The following GABRG3 variants were observed in gnomAD, a reference collection of about 807,000 sequenced individuals.
The protein encoded by GABRG3 is gamma-aminobutyric acid receptor subunit gamma-3.
Under a neutral mutation model 48.8 loss-of-function variants are expected in GABRG3, and 25 were observed. That is an observed-to-expected ratio of 0.51 (90% CI 0.37 to 0.72). The LOEUF (loss-of-function observed/expected upper bound fraction) is 0.72, where lower values mean the gene tolerates loss of function less well. Among genes scored for constraint, GABRG3 ranks in the 30% least tolerant of loss-of-function variants. GABRG3 has a pLI of 0.00. For synonymous variants in GABRG3, 227 were observed against 217.6 expected (o/e 1.04, Z -0.38); for missense variants, 394 against 577.9 (o/e 0.68, Z 3.26).
intron 5 of GABRG3, among the ~76,000 whole-genome samples, chr15:27,417,914 C>T (rs1487127026): frequency 2.0e-5 from 3 of 152,166 alleles, no homozygotes; most frequent in East Asian, 1.9e-4. Context: ...CCTTAGCTTC[C>T]TTGGGCCTAG....
At chr15:27,479,600 T>G (rs552415946) in intron 5 of GABRG3, among the ~76,000 whole-genome samples, 1 of 152,252 alleles carries the variant, frequency 6.6e-6, no homozygotes, top group Non-Finnish European at 1.5e-5. Context: ...ATTAATATGT[T>G]TGCATACATA....
At chr15:27,248,803 C>G (rs12902764) in intron 3 of GABRG3, among the ~76,000 whole-genome samples, 44,164 of 107,458 alleles carry the variant, frequency 0.41, 9,120 homozygotes, top group Non-Finnish European at 0.46. Flanking sequence ...CACACACACA[C>G]AGAGAGAGAG....
At chr15:27,329,690 T>C (rs1893740415) in intron 5 of GABRG3, among the ~76,000 whole-genome samples, 1 of 152,276 alleles carries the variant, frequency 6.6e-6, no homozygotes, top group Admixed American at 6.5e-5. Flanking sequence ...CGTAGTATTT[T>C]ATCTTCCAAC....
chr15:27,131,202 C>T (rs534202000), intron 3 of GABRG3, among the ~76,000 whole-genome samples: 7 of 152,050 alleles, frequency 4.6e-5, no homozygotes, highest in African/African-American at 9.6e-5. Flanking sequence ...GTGGTGCATT[C>T]GTTATCTTCT....
intron 3 of GABRG3, among the ~76,000 whole-genome samples, chr15:27,156,884 T>A (rs1419776045): frequency 6.6e-6 from 1 of 152,206 alleles, no homozygotes; most frequent in Non-Finnish European, 1.5e-5. Flanking sequence ...CCACCACTGA[T>A]TTCTAAGCAG....
chr15:27,095,421 A>G (rs1897253552), intron 3 of GABRG3, among the ~76,000 whole-genome samples: 1 of 152,172 alleles, frequency 6.6e-6, no homozygotes. Context: ...GGTGTGGGAA[A>G]CACACGCTTT....
At chr15:27,293,526 A>AG in intron 3 of GABRG3, among the ~76,000 whole-genome samples, 1 of 151,720 alleles carries the variant, frequency 6.6e-6, no homozygotes, top group Middle Eastern at 3.2e-3. Flanking sequence ...TACAAAAAAA[A>AG]TTAGCCAGGT....
At chr15:27,069,228 G>GT (rs1372847551) in intron 3 of GABRG3, among the ~76,000 whole-genome samples, 1 of 152,166 alleles carries the variant, frequency 6.6e-6, no homozygotes, top group African/African-American at 2.4e-5. Flanking sequence ...TACTTCCAGG[G>GT]TTTTATATTT....
At chr15:27,397,271 T>C (rs571233730) in intron 5 of GABRG3, among the ~76,000 whole-genome samples, 10 of 152,188 alleles carry the variant, frequency 6.6e-5, no homozygotes, top group Non-Finnish European at 1.5e-4. Context: ...ACTGCAATTT[T>C]AGTTTTGACT....
chr15:27,323,461 AGAAG>A (rs1555371831), intron 3 of GABRG3, among the ~76,000 whole-genome samples: 1 of 152,206 alleles, frequency 6.6e-6, no homozygotes, highest in Non-Finnish European at 1.5e-5. Context: ...GTTCAAAGAA[AGAAG>A]GGAGTAAAAC....
In GABRG3 at chr15:27,507,456, A is replaced by G. The variant is rs1248404740; in HGVS notation, c.713-12516A>G. Among the ~76,000 whole-genome samples, 3 of 152,184 alleles carry G rather than the reference A, an allele frequency of 2.0e-5. No homozygotes were observed. In the South Asian group the frequency reaches 6.2e-4, roughly 31 times the overall value. ...CAAGCAGAGGCTGCAGTGAGCCAAG[A>G]TCCTACCACTGCACTACAGCTTGGG... is the stretch of plus-strand genomic sequence containing the variant. On this transcript the variant is annotated intron_variant, in intron 6 of 9. Transcript: ENST00000615808.
intron 5 of GABRG3, among the ~76,000 whole-genome samples, chr15:27,393,417 G>A (rs1340246147): frequency 2.6e-5 from 4 of 151,918 alleles, no homozygotes; most frequent in Non-Finnish European, 4.4e-5. Flanking sequence ...ATTTATACTG[G>A]AGTGCTGTTG....
At chr15:26,973,347 G>A (rs545191414) in intron 1 of GABRG3, among the ~76,000 whole-genome samples, 1 of 152,038 alleles carries the variant, frequency 6.6e-6, no homozygotes, top group East Asian at 1.9e-4. Flanking sequence ...TCTCTATTTG[G>A]GCTCGTTCCC....
rs145844901 is a variant in GABRG3, at chr15:27,495,128, C to T, written c.712+14341C>T. On this transcript the variant is annotated intron_variant, in intron 6 of 9. Transcript: ENST00000615808. Reference sequence around the variant, plus strand: ...CTATAGCCACTAAACAGTAATTCCTCCTCCCCCCAACCCATGGGAACCACC... The same window carrying T: ...CTATAGCCACTAAACAGTAATTCCTTCTCCCCCCAACCCATGGGAACCACC... 3.2e-3 allele frequency among the ~76,000 whole-genome samples: 481 copies of T among 152,236 alleles called. 1 individual carries two copies. Among genetic ancestry groups the T allele is most frequent in the Non-Finnish European group, 4.9e-3 (333 of 68,000 alleles).
At chr15:27,278,475 A>T (rs1435389382) in intron 3 of GABRG3, among the ~76,000 whole-genome samples, 3 of 152,124 alleles carry the variant, frequency 2.0e-5, no homozygotes, top group Non-Finnish European at 1.5e-5. Flanking sequence ...AGCCACACCC[A>T]TGCCACCCCC....
At chr15:27,218,764 T>G (rs566120024) in intron 3 of GABRG3, among the ~76,000 whole-genome samples, 5 of 152,294 alleles carry the variant, frequency 3.3e-5, no homozygotes, top group African/African-American at 1.2e-4. Flanking sequence ...CAGATGTCAT[T>G]GATTTTGAAC....
chr15:27,483,849 T>A (rs1314069875), intron 6 of GABRG3, among the ~76,000 whole-genome samples: 2 of 152,226 alleles, frequency 1.3e-5, no homozygotes, highest in African/African-American at 4.8e-5. Context: ...TCTTTATGCC[T>A]TCCTCAGCTA....
chr15:26,997,725 C>T (rs1249284336), intron 2 of GABRG3, among the ~76,000 whole-genome samples: 2 of 152,290 alleles, frequency 1.3e-5, no homozygotes, highest in East Asian at 3.9e-4. Context: ...TTCTCTTTAT[C>T]AATGGATATC....
intron 5 of GABRG3, among the ~76,000 whole-genome samples, chr15:27,346,713 A>G (rs1894387037): frequency 6.6e-6 from 1 of 151,970 alleles, no homozygotes; most frequent in African/African-American, 2.4e-5. Flanking sequence ...GGCTGTGTCA[A>G]TTCTACTGAT....
Sources: allele counts gnomAD v4.1 joint callset (sites outside exome capture counted in the v4.1 genomes callset), GRCh38; gene constraint gnomAD v4.1.1; transcripts MANE v1.5; gene names NCBI Gene and HGNC (gene_info 2026-07-23, HGNC 2026-07-21).